Variants in SYNDIG1 observed in about 807,000 individuals in gnomAD.
The protein encoded by SYNDIG1 is synapse differentiation inducing 1, also known as synapse differentiation-inducing gene protein 1.
SYNDIG1 carries 9 observed loss-of-function variants against 19.4 expected under a neutral mutation model. The ratio of observed to expected loss-of-function variants is 0.46; its 90% CI spans 0.28 to 0.81. The LOEUF (loss-of-function observed/expected upper bound fraction) is 0.81. Ranked by LOEUF, SYNDIG1 falls within the 30% of genes least tolerant of loss-of-function variation. The probability of loss-of-function intolerance (pLI) is 0.12; values close to 1 mark genes in which losing one functional copy is unlikely to be tolerated. For synonymous variants in SYNDIG1, 141 were observed against 145.9 expected (o/e 0.97, Z 0.24); for missense variants, 311 against 343.3 (o/e 0.91, Z 0.74).
Position 24,513,394 on chromosome 20 carries a change from G to A in SYNDIG1, c.-78-29626G>A, listed in dbSNP as rs544211105. Among the ~76,000 whole-genome samples, 303 of 152,246 alleles carry A rather than the reference G, an allele frequency of 2.0e-3. 1 individual carries two copies. The highest frequency in any genetic ancestry group is 3.4e-3 in the Middle Eastern group (1 of 294). The stretch of plus-strand genomic sequence containing the variant: ...AACCTTGAAAAAAGCTTAGCTGAAT[G>A]GCTAACTAGAATAACCAGTGTAGAG... On this transcript the variant is annotated intron_variant, in intron 1 of 3. Coordinates refer to ENST00000376862, the MANE Select transcript of SYNDIG1 (RefSeq NM_024893.3).
At chr20:24,665,238 T>C in intron 3 of SYNDIG1, 108 bp from the exon 4 acceptor site, 1 of 1,357,604 alleles carries the variant, frequency 7.4e-7, no homozygotes, top group Non-Finnish European at 1.0e-6. Flanking sequence ...CAGCCTTCTC[T>C]GCATCAACAA....
chr20:24,486,596 G>A (rs1034517734), intron 1 of SYNDIG1, among the ~76,000 whole-genome samples: 9 of 151,964 alleles, frequency 5.9e-5, no homozygotes, highest in Admixed American at 1.3e-4. Context: ...CCAGTGGGTC[G>A]CTGGAACCTG....
At chr20:24,536,762 G>A (rs945167334) in intron 1 of SYNDIG1, among the ~76,000 whole-genome samples, 4 of 152,146 alleles carry the variant, frequency 2.6e-5, no homozygotes, top group Non-Finnish European at 4.4e-5. Flanking sequence ...TGTGATCTGA[G>A]CTGCTGAATG....
chr20:24,523,710 T>G (rs946671725), intron 1 of SYNDIG1, among the ~76,000 whole-genome samples: 2 of 152,234 alleles, frequency 1.3e-5, no homozygotes, highest in African/African-American at 4.8e-5. Flanking sequence ...ATACACCTAT[T>G]CTGGCTGTGT....
At chr20:24,521,283 TC>T (rs2056997319) in intron 1 of SYNDIG1, among the ~76,000 whole-genome samples, 2 of 152,164 alleles carry the variant, frequency 1.3e-5, no homozygotes, top group Admixed American at 1.3e-4. Flanking sequence ...CACTTCAGTG[TC>T]CCCAAATCTG....
chr20:24,492,566 G>C (rs925351559), intron 1 of SYNDIG1, among the ~76,000 whole-genome samples: 8 of 152,168 alleles, frequency 5.3e-5, no homozygotes, highest in African/African-American at 1.9e-4. Context: ...CCCCCACCTA[G>C]CCCTGAGGTG....
At chr20:24,533,329 G>C (rs780969876) in intron 1 of SYNDIG1, among the ~76,000 whole-genome samples, 1 of 152,140 alleles carries the variant, frequency 6.6e-6, no homozygotes, top group Non-Finnish European at 1.5e-5. Context: ...GACCTGTGAA[G>C]GCAGATATTT....
chr20:24,517,286 A>T (rs2056890123), intron 1 of SYNDIG1, among the ~76,000 whole-genome samples: 1 of 151,330 alleles, frequency 6.6e-6, no homozygotes, highest in Non-Finnish European at 1.5e-5. Context: ...TGTACCCTAG[A>T]ACTTAAAGTA....
chr20:24,646,800 T>G (rs1441867804), intron 3 of SYNDIG1, among the ~76,000 whole-genome samples: 1 of 152,096 alleles, frequency 6.6e-6, no homozygotes, highest in South Asian at 2.1e-4. Flanking sequence ...TTTTGCATGT[T>G]TAGTAGAGTG....
intron 3 of SYNDIG1, among the ~76,000 whole-genome samples, chr20:24,618,254 G>T (rs555095330): frequency 1.0e-3 from 157 of 150,368 alleles, no homozygotes; most frequent in African/African-American, 3.7e-3. Context: ...AGAGCCCCGG[G>T]AGGGGGGAGA....
At chr20:24,489,511 ACATGCACACACACGTACACATG>A (rs2056084558) in intron 1 of SYNDIG1, among the ~76,000 whole-genome samples, 1 of 151,782 alleles carries the variant, frequency 6.6e-6, no homozygotes, top group Non-Finnish European at 1.5e-5. Context: ...AGACACAGAT[ACATGCACACACACGTACACATG>A]CATGCACACA....
At chr20:24,593,087 GGTAGAT>G (rs1317935411) in intron 3 of SYNDIG1, among the ~76,000 whole-genome samples, 2 of 152,152 alleles carry the variant, frequency 1.3e-5, no homozygotes, top group South Asian at 4.1e-4. Flanking sequence ...AAAGTTAAAG[GGTAGAT>G]GTACAGGTTT....
chr20:24,523,259 A>G (rs778430550), intron 1 of SYNDIG1, among the ~76,000 whole-genome samples: 29 of 152,190 alleles, frequency 1.9e-4, no homozygotes, highest in Non-Finnish European at 3.8e-4. Context: ...GATGATAATA[A>G]CTATACCTAC....
At chr20:24,478,737 G>C (rs2055706039) in intron 1 of SYNDIG1, among the ~76,000 whole-genome samples, 1 of 152,156 alleles carries the variant, frequency 6.6e-6, no homozygotes, top group Non-Finnish European at 1.5e-5. Flanking sequence ...AGCCAGTCAG[G>C]GGCACCATGG....
intron 3 of SYNDIG1, among the ~76,000 whole-genome samples, chr20:24,628,868 C>T (rs1455014947): frequency 1.3e-5 from 2 of 152,190 alleles, no homozygotes; most frequent in African/African-American, 4.8e-5. Context: ...GCTTTCCAGT[C>T]TCCACGCTTT....
chr20:24,619,973 A>G (rs2059014126), intron 3 of SYNDIG1, among the ~76,000 whole-genome samples: 1 of 152,208 alleles, frequency 6.6e-6, no homozygotes, highest in Non-Finnish European at 1.5e-5. Flanking sequence ...GAGTTTAAAT[A>G]TGGACTCAGC....
At chr20:24,479,947 C>T (rs1007325058) in intron 1 of SYNDIG1, among the ~76,000 whole-genome samples, 2 of 152,246 alleles carry the variant, frequency 1.3e-5, no homozygotes, top group African/African-American at 2.4e-5. Context: ...CTGCCATGCA[C>T]AGGTACATGT....
intron 3 of SYNDIG1, among the ~76,000 whole-genome samples, chr20:24,601,401 G>T (rs978311831): frequency 1.3e-5 from 2 of 152,112 alleles, no homozygotes; most frequent in African/African-American, 2.4e-5. Context: ...ATCTTTGATA[G>T]CAGTCATTGG....
intron 2 of SYNDIG1, among the ~76,000 whole-genome samples, chr20:24,583,981 A>C (rs1302660462): frequency 6.6e-6 from 1 of 152,198 alleles, no homozygotes; most frequent in Non-Finnish European, 1.5e-5. Flanking sequence ...CCCCCATGGC[A>C]TGAGTTTACC....
Sources: allele counts gnomAD v4.1 joint callset (sites outside exome capture counted in the v4.1 genomes callset), GRCh38; gene constraint gnomAD v4.1.1; transcripts MANE v1.5; gene names NCBI Gene and HGNC (gene_info 2026-07-23, HGNC 2026-07-21).